Variants in IL12RB2 observed in about 807,000 individuals in gnomAD.
IL12RB2 encodes the protein interleukin-12 receptor subunit beta-2.
Under a neutral mutation model 89.4 loss-of-function variants are expected in IL12RB2, and 82 were observed. The ratio of observed to expected loss-of-function variants is 0.92; its 90% CI spans 0.77 to 1.10. IL12RB2 has a LOEUF of 1.10. Ranked by LOEUF, IL12RB2 falls within the 50% of genes least tolerant of loss-of-function variation. The probability of loss-of-function intolerance (pLI) is 0.00; values close to 1 mark genes in which losing one functional copy is unlikely to be tolerated. For missense variants in IL12RB2, 963 were observed against 1,031.9 expected (o/e 0.93, Z 0.92); for synonymous variants, 368 against 370.1 (o/e 0.99, Z 0.07).
chr1:67,389,722 T>G (rs1665603929), intron 15 of IL12RB2, among the ~76,000 whole-genome samples: 1 of 152,210 alleles, frequency 6.6e-6, no homozygotes, highest in African/African-American at 2.4e-5. Flanking sequence ...GGTAGCATTG[T>G]GCTGGTCACA....
chr1:67,337,217 T>G (rs115325087), intron 8 of IL12RB2, among the ~76,000 whole-genome samples: 14 of 152,240 alleles, frequency 9.2e-5, no homozygotes, highest in African/African-American at 3.4e-4. Flanking sequence ...GGGACTTAAT[T>G]TTCTAGAAAT....
At chr1:67,342,757 A>T (rs1659786398) in intron 9 of IL12RB2, among the ~76,000 whole-genome samples, 1 of 113,942 alleles carries the variant, frequency 8.8e-6, no homozygotes, top group Non-Finnish European at 1.9e-5. Context: ...TTTTAAAATC[A>T]CACCTTTTTT....
At chr1:67,331,471 A>G (rs1658058491) in intron 8 of IL12RB2, among the ~76,000 whole-genome samples, 1 of 152,228 alleles carries the variant, frequency 6.6e-6, no homozygotes, top group African/African-American at 2.4e-5. Context: ...TGAAGCAAAA[A>G]TGCCTATGTA....
At chr1:67,330,234 C>G (rs1657874722) in intron 7 of IL12RB2, among the ~76,000 whole-genome samples, 1 of 150,136 alleles carries the variant, frequency 6.7e-6, no homozygotes. Flanking sequence ...CCACAGATAG[C>G]TGATATTCAA....
At chr1:67,389,121 G>T (rs1665534691) in intron 15 of IL12RB2, among the ~76,000 whole-genome samples, 1 of 152,074 alleles carries the variant, frequency 6.6e-6, no homozygotes, top group Non-Finnish European at 1.5e-5. Context: ...CAGCCCTGAG[G>T]TAAGGTATCC....
At chr1:67,379,509 C>CAAAAAA (rs58494224) in intron 13 of IL12RB2, among the ~76,000 whole-genome samples, 22,057 of 67,948 alleles carry the variant, frequency 0.32, 4,648 homozygotes, top group South Asian at 0.45. Context: ...GAACCTGTCT[C>CAAAAAA]AAAAAAAAAA....
chr1:67,315,428 C>T (rs1275333397), intron 2 of IL12RB2, among the ~76,000 whole-genome samples: 1 of 152,052 alleles, frequency 6.6e-6, no homozygotes, highest in Non-Finnish European at 1.5e-5. Flanking sequence ...CCCTATGTAG[C>T]CATTCATTCA....
chr1:67,370,639 G>C (rs79719144), intron 11 of IL12RB2, among the ~76,000 whole-genome samples: 1 of 152,086 alleles, frequency 6.6e-6, no homozygotes, highest in African/African-American at 2.4e-5. Flanking sequence ...GAAATGAGTC[G>C]GAAATTGCGG....
chr1:67,360,403 A>G (rs1433004732), intron 10 of IL12RB2, among the ~76,000 whole-genome samples: 1 of 128,426 alleles, frequency 7.8e-6, no homozygotes, highest in Non-Finnish European at 1.8e-5. Flanking sequence ...TCTCAGAAAG[A>G]AAAAAAAAAA....
Position 67,320,393 on chromosome 1 carries a change from T to C in IL12RB2, c.25T>C (p.Ser9Pro), listed in dbSNP as rs149711274. 2.6e-4 allele frequency: 415 copies of C among 1,614,014 alleles called. 2 individuals carry two copies. In the African/African-American group the frequency reaches 4.8e-3, roughly 19 times the overall value. Residue 9 changes from serine (S) to proline (P), a missense_variant, in exon 3 of 17, where the codon TCA becomes CCA. Transcript: ENST00000674203. MAHTFRGC[S>P]LAFMFIITWL... ...GATGGCACATACTTTTAGAGGATGCTCATTGGCATTTATGTTTATAATCAC... is the reference window on the plus strand; with the variant it reads ...GATGGCACATACTTTTAGAGGATGCCCATTGGCATTTATGTTTATAATCAC...
rs531543410 is a variant in IL12RB2 at position 67,322,750 on chromosome 1, T to C, written c.364+861T>C. Among the ~76,000 whole-genome samples, 10 of 152,358 alleles carry C rather than the reference T, an allele frequency of 6.6e-5. No individual in the cohort carries two copies. The South Asian group carries it at 2.1e-3, about 32-fold the overall frequency. On this transcript the variant is annotated intron_variant, in intron 4 of 16. Coordinates refer to ENST00000674203, the MANE Select transcript of IL12RB2 (RefSeq NM_001374259.2). ...CAGTTTCCCACACTGCTGACTTGCA[T>C]TGCTGGTCCCTTCAGGCAGCTGCTG...
At chr1:67,360,266 G>A (rs1005806097) in intron 10 of IL12RB2, among the ~76,000 whole-genome samples, 1 of 152,014 alleles carries the variant, frequency 6.6e-6, no homozygotes, top group East Asian at 1.9e-4. Flanking sequence ...CAGCGTGGTA[G>A]TGCGTGCCTG....
intron 1 of IL12RB2, among the ~76,000 whole-genome samples, chr1:67,312,812 C>G (rs952805103): frequency 6.6e-6 from 1 of 151,386 alleles, no homozygotes; most frequent in African/African-American, 2.4e-5. Context: ...AAAGAGGAAC[C>G]ATAGGACAGC....
chr1:67,378,018 C>T (rs931220337), intron 13 of IL12RB2, among the ~76,000 whole-genome samples: 5 of 151,946 alleles, frequency 3.3e-5, no homozygotes, highest in Non-Finnish European at 5.9e-5. Flanking sequence ...CCCAACTACT[C>T]GGGAGGCCAC....
chr1:67,341,557 A>G (rs935848962), intron 9 of IL12RB2, among the ~76,000 whole-genome samples: 2 of 143,516 alleles, frequency 1.4e-5, no homozygotes, highest in Non-Finnish European at 3.1e-5. Flanking sequence ...GAAAGAAAGA[A>G]AGAAAGAAAG....
intron 4 of IL12RB2, among the ~76,000 whole-genome samples, chr1:67,322,698 C>T (rs907954535): frequency 1.1e-4 from 16 of 152,360 alleles, no homozygotes; most frequent in African/African-American, 3.8e-4. Flanking sequence ...CTATCTCCCA[C>T]TGGCCAAAGT....
At chr1:67,384,475 G>A (rs1315024777) in intron 14 of IL12RB2, among the ~76,000 whole-genome samples, 1 of 152,226 alleles carries the variant, frequency 6.6e-6, no homozygotes, top group Non-Finnish European at 1.5e-5. Context: ...CTCCAGGCCT[G>A]TGATGGGAGG....
Position 67,388,709 on chromosome 1 carries a change from TTTAA to T in IL12RB2, c.1947-1316_1947-1313del, listed in dbSNP as rs573747656. Among the ~76,000 whole-genome samples, 1,027 of 152,366 alleles carry T rather than the reference TTTAA, an allele frequency of 6.7e-3. 5 individuals are homozygous for T. Among genetic ancestry groups the T allele is most frequent in the Non-Finnish European group, 9.2e-3 (624 of 68,038 alleles). On this transcript the variant is annotated intron_variant, in intron 15 of 16. Transcript: ENST00000674203. ...TTGTAGGTGATTTTAGTTTTTCTTGTTTAATTATATTTTTAGAATTTCCTTAGTA... is the reference window on the plus strand; with the variant it reads ...TTGTAGGTGATTTTAGTTTTTCTTGTTTATATTTTTAGAATTTCCTTAGTA...
At position 67,395,796 on chromosome 1, in the gene IL12RB2, C is replaced by CTGTACAAGG. The variant is rs1415698131; in HGVS notation, c.2299_2307dup (p.Tyr767_Val769dup). 2.5e-6 allele frequency: 4 copies of CTGTACAAGG among 1,613,972 alleles called. No homozygotes were observed. Among genetic ancestry groups the CTGTACAAGG allele is most frequent in the Non-Finnish European group, 3.4e-6 (4 of 1,179,916 alleles). On this transcript the variant is annotated inframe_insertion, in exon 17 of 17. Transcript: ENST00000674203. ...AGCTGAGAGCAGACAACTGGTGGAT[C>CTGTACAAGG]TGTACAAGGTGCTGGAGAGCAGGGG...
Sources: allele counts gnomAD v4.1 joint callset (sites outside exome capture counted in the v4.1 genomes callset), GRCh38; gene constraint gnomAD v4.1.1; transcripts MANE v1.5; gene names NCBI Gene and HGNC (gene_info 2026-07-23, HGNC 2026-07-21).